Variants in PSME4 observed in about 807,000 individuals in gnomAD.
PSME4 encodes the protein proteasome activator complex subunit 4.
A neutral mutation model predicts 253.9 loss-of-function variants in PSME4; 89 were observed. The ratio of observed to expected loss-of-function variants is 0.35; its 90% CI spans 0.30 to 0.42. The LOEUF is 0.42. Among genes scored for constraint, PSME4 ranks in the 10% least tolerant of loss-of-function variants. The probability of loss-of-function intolerance (pLI) is 1.00; values close to 1 mark genes in which losing one functional copy is unlikely to be tolerated. For synonymous variants in PSME4, 851 were observed against 759.2 expected (o/e 1.12, Z -1.99); for missense variants, 2,014 against 2,195.2 (o/e 0.92, Z 1.65).
chr2:53,884,798 T>C (rs1679561941), intron 41 of PSME4, among the ~76,000 whole-genome samples: 1 of 152,208 alleles, frequency 6.6e-6, no homozygotes, highest in African/African-American at 2.4e-5. Flanking sequence ...CTGTCTACTT[T>C]TATACCCCAA....
At chr2:53,963,201 C>T (rs1262812222) in intron 1 of PSME4, among the ~76,000 whole-genome samples, 2 of 151,942 alleles carry the variant, frequency 1.3e-5, no homozygotes, top group African/African-American at 4.8e-5. Context: ...TGGTATATGT[C>T]TGTAGTCCAA....
intron 1 of PSME4, among the ~76,000 whole-genome samples, chr2:53,957,951 C>A (rs954250295): frequency 1.1e-4 from 17 of 152,066 alleles, no homozygotes; most frequent in Admixed American, 2.6e-4. Flanking sequence ...ACTTGTTGGC[C>A]AGGAGCAGTG....
At chr2:53,913,740 G>C (rs900146526) in intron 20 of PSME4, among the ~76,000 whole-genome samples, 2 of 152,166 alleles carry the variant, frequency 1.3e-5, no homozygotes, top group African/African-American at 4.8e-5. Context: ...TAAATAAAGA[G>C]AAATCTTATA....
intron 39 of PSME4, among the ~76,000 whole-genome samples, 180 bp downstream of exon 39, chr2:53,887,678 C>T (rs1679703805): frequency 6.6e-6 from 1 of 152,152 alleles, no homozygotes; most frequent in African/African-American, 2.4e-5. Flanking sequence ...GAGCACACTG[C>T]TGTCCTAGTT....
intron 1 of PSME4, among the ~76,000 whole-genome samples, chr2:53,952,827 C>T (rs950098986): frequency 2.6e-5 from 4 of 152,210 alleles, no homozygotes; most frequent in African/African-American, 9.7e-5. Flanking sequence ...CACTGCTCAC[C>T]TCCTGCTGTG....
In PSME4 at chr2:53,931,885, C is replaced by T. The variant is rs1242891850; in HGVS notation, c.1266G>A (p.Gln422=). The T allele has an allele frequency of 1.2e-6, 2 of 1,614,108 alleles. No individual in the cohort carries two copies. Among genetic ancestry groups the T allele is most frequent in the Non-Finnish European group, 1.7e-6 (2 of 1,180,048 alleles). ...TGSLEAAQAL[Q]NLALMRPELV... ...ATTCAGGTCTCATGAGTGCAAGATT[C>T]TGCAAAGCCTGGGCTGCTTCTAGAC... The change falls in exon 10 of 47, where the codon CAG becomes CAA. Residue 422 remains glutamine, a synonymous_variant. Transcript: ENST00000404125.
At chr2:53,885,649 G>A (rs764710552) in intron 41 of PSME4, 41 bp downstream of exon 41, 2 of 1,422,644 alleles carry the variant, frequency 1.4e-6, no homozygotes, top group East Asian at 4.6e-5. Flanking sequence ...TCCTTATGAA[G>A]GTCAAAAGGA....
At position 53,874,320 on chromosome 2, in the gene PSME4, T is replaced by G; in HGVS notation, c.5100+19A>C. Reference sequence around the variant, plus strand: ...CTTTAAATTGACTGAATTTCCGTTTTCTATAACTTAAATTTTACCTCCAGT... The same window carrying G: ...CTTTAAATTGACTGAATTTCCGTTTGCTATAACTTAAATTTTACCTCCAGT... On this transcript the variant is annotated intron_variant, in intron 43 of 46. Transcript: ENST00000404125. 6.3e-7 allele frequency: 1 copy of G among 1,599,744 alleles called. No homozygotes were observed. The highest frequency in any genetic ancestry group is 8.5e-7 in the Non-Finnish European group (1 of 1,175,152).
chr2:53,940,063 T>TAATA, intron 3 of PSME4, 63 bp from the exon 4 acceptor site: 1 of 1,217,774 alleles, frequency 8.2e-7, no homozygotes, highest in Non-Finnish European at 1.2e-6. Context: ...CTAATTCAAT[T>TAATA]AATAAATATC....
intron 1 of PSME4, among the ~76,000 whole-genome samples, chr2:53,954,055 C>T (rs1011597089): frequency 2.0e-5 from 3 of 151,440 alleles, no homozygotes; most frequent in South Asian, 2.1e-4. Context: ...GCTGGCCGGG[C>T]GCGGTGGCTC....
rs777238826 is a variant in PSME4 at position 53,937,375 on chromosome 2, A to C, written c.695+16T>G. 3.9e-6 allele frequency: 6 copies of C among 1,549,666 alleles called. No homozygotes were observed. Among genetic ancestry groups the C allele is most frequent in the Non-Finnish European group, 5.3e-6 (6 of 1,140,852 alleles). On this transcript the variant is annotated intron_variant, in intron 5 of 46. Coordinates refer to ENST00000404125, the MANE Select transcript of PSME4 (RefSeq NM_014614.3). The stretch of plus-strand genomic sequence containing the variant: ...TACCGTATTTTTAGAATTTGTCAAG[A>C]TATGAACATACTTACTTAAAACCTT...
rs141353180 is a variant in PSME4, at chr2:53,944,569, G to A, written c.500+3852C>T. Among the ~76,000 whole-genome samples the A allele has an allele frequency of 5.3e-5, 8 of 152,150 alleles. No individual in the cohort carries two copies. The East Asian group carries it at 7.7e-4, about 15-fold the overall frequency. ...AATTGTAAATATCATATTAATAATC[G>A]TGGTTTACAACCATAAAATCTTTTA... On this transcript the variant is annotated intron_variant, in intron 3 of 46. Coordinates refer to ENST00000404125, the MANE Select transcript of PSME4 (RefSeq NM_014614.3).
At position 53,948,520 on chromosome 2, in the gene PSME4, G is replaced by A; in HGVS notation, c.401C>T (p.Ser134Leu). ...INLLKKKELL[S>L]RADLELPWRP... Reference sequence around the variant, plus strand: ...CCAGGGTAACTCCAAATCAGCTCTTGAAAGAAGTTCCTTTTTCCTAAAAAG... The same window carrying A: ...CCAGGGTAACTCCAAATCAGCTCTTAAAAGAAGTTCCTTTTTCCTAAAAAG... The change falls in exon 3 of 47, where the codon TCA becomes TTA. Residue 134 changes from serine (S) to leucine (L), a missense_variant. Ser to Leu is a moderately radical substitution (Grantham distance 145, BLOSUM62 -2). Transcript: ENST00000404125. The A allele has an allele frequency of 6.2e-7, 1 of 1,610,594 alleles. No individual in the cohort carries two copies. Among genetic ancestry groups the A allele is most frequent in the Non-Finnish European group, 8.5e-7 (1 of 1,177,106 alleles).
chr2:53,878,565 T>C (rs1449090341), intron 41 of PSME4, among the ~76,000 whole-genome samples: 1 of 152,224 alleles, frequency 6.6e-6, no homozygotes, highest in African/African-American at 2.4e-5. Context: ...GCTGAATTCT[T>C]TTTCTCAGCA....
chr2:53,873,413 A>G (rs1196194957), intron 43 of PSME4, among the ~76,000 whole-genome samples: 2 of 152,176 alleles, frequency 1.3e-5, no homozygotes, highest in Admixed American at 6.5e-5. Context: ...ATAAGTATAT[A>G]AAATACTGTG....
chr2:53,895,872 A>G (rs1680116094), intron 32 of PSME4, 136 bp from the exon 33 acceptor site: 4 of 737,900 alleles, frequency 5.4e-6, no homozygotes, highest in Admixed American at 3.4e-5. Flanking sequence ...GATAACATAT[A>G]TATGAGCAAT....
chr2:53,908,929 G>C, intron 21 of PSME4, 89 bp from the exon 22 acceptor site: 1 of 980,934 alleles, frequency 1.0e-6, no homozygotes, highest in South Asian at 1.6e-5. Context: ...GTCAAGGAGG[G>C]ATAAAGTATT....
At chr2:53,927,880 G>A (rs1668638785) in intron 11 of PSME4, among the ~76,000 whole-genome samples, 3 of 152,116 alleles carry the variant, frequency 2.0e-5, no homozygotes. Context: ...CCAGGAGGTG[G>A]ATCACAGTGC....
At chr2:53,870,591 T>G (rs1188801917) in intron 43 of PSME4, 2 of 151,886 alleles carry the variant, frequency 1.3e-5, no homozygotes, top group African/African-American at 4.8e-5. Flanking sequence ...TTAGCCAGGA[T>G]GGTCTTGATC....
Sources: allele counts gnomAD v4.1 joint callset (sites outside exome capture counted in the v4.1 genomes callset), GRCh38; gene constraint gnomAD v4.1.1; transcripts MANE v1.5; gene names NCBI Gene and HGNC (gene_info 2026-07-23, HGNC 2026-07-21).